The following TMEM132C variants were observed in gnomAD, a reference collection of about 807,000 sequenced individuals.
The protein encoded by TMEM132C is protein phosphatase 1, regulatory subunit 152.
Under a neutral mutation model 61.4 loss-of-function variants are expected in TMEM132C, and 29 were observed. That is an observed-to-expected ratio of 0.47 (90% CI 0.35 to 0.64). The LOEUF is 0.64. Among genes scored for constraint, TMEM132C ranks in the 30% least tolerant of loss-of-function variants. TMEM132C has a pLI of 0.00. For synonymous variants in TMEM132C, 656 were observed against 633.1 expected, an observed-to-expected ratio of 1.04 and a Z score of -0.54; for missense variants, 1,408 against 1,476.9, an observed-to-expected ratio of 0.95 and a Z score of 0.76.
rs904779851 is a variant in TMEM132C at position 128,326,617 on chromosome 12, C to A, written c.85+59130C>A. Among the ~76,000 whole-genome samples, 5 of 152,096 alleles carry A rather than the reference C, an allele frequency of 3.3e-5. No individual in the cohort carries two copies. The highest frequency in any genetic ancestry group is 1.2e-4 in the African/African-American group (5 of 41,410). ...GTGCTTGGAGACAGCTCCTGCAAAG[C>A]CCCAGGATTACAGCGTGGGTAATTA... On this transcript the variant is annotated intron_variant, in intron 1 of 8. Coordinates refer to ENST00000435159, the MANE Select transcript of TMEM132C (RefSeq NM_001136103.3). The surrounding 1 kb of genome is among the most constrained non-coding windows in gnomAD (Gnocchi z 5.6).
intron 1 of TMEM132C, among the ~76,000 whole-genome samples, chr12:128,383,345 G>A (rs558295916): frequency 5.9e-5 from 9 of 152,172 alleles, no homozygotes; most frequent in African/African-American, 1.2e-4. Context: ...CCAACCGCCC[G>A]TTGGCCAATT....
chr12:128,557,951 G>A (rs554472848), intron 3 of TMEM132C, among the ~76,000 whole-genome samples: 3 of 152,322 alleles, frequency 2.0e-5, no homozygotes, highest in Non-Finnish European at 4.4e-5. Context: ...GAGCCAGCCC[G>A]GCAACTTGGA....
At chr12:128,319,410 G>T (rs1303290898) in intron 1 of TMEM132C, among the ~76,000 whole-genome samples, 1 of 151,704 alleles carries the variant, frequency 6.6e-6, no homozygotes, top group Non-Finnish European at 1.5e-5. Flanking sequence ...TGTCTGTTGG[G>T]CCAAGTGCGG....
At chr12:128,571,072 T>C (rs149856218) in intron 3 of TMEM132C, among the ~76,000 whole-genome samples, 31 of 152,276 alleles carry the variant, frequency 2.0e-4, no homozygotes, top group Admixed American at 1.9e-3. Flanking sequence ...GATGTAGTCA[T>C]GTGGAGGTTT....
chr12:128,493,359 T>C (rs1167888148), intron 2 of TMEM132C, among the ~76,000 whole-genome samples: 1 of 152,252 alleles, frequency 6.6e-6, no homozygotes, highest in Admixed American at 6.5e-5. Context: ...ATATGAACTT[T>C]AAAGTACTTT....
Position 128,415,964 on chromosome 12 carries a change from T to C in TMEM132C, c.974+344T>C, listed in dbSNP as rs945942740. ...ATCCTTTGATGAGATACCATTTGAG[T>C]TGCTTGATTGAAAGTCTACGTTCAA... On this transcript the variant is annotated intron_variant, in intron 2 of 8. Transcript: ENST00000435159. This position sits in a 1 kb window ranked among gnomAD's most constrained non-coding sequence, Gnocchi z 5.8. Among the ~76,000 whole-genome samples the C allele has an allele frequency of 3.3e-5, 5 of 152,164 alleles. No homozygotes were observed. Among genetic ancestry groups the C allele is most frequent in the Non-Finnish European group, 7.3e-5 (5 of 68,036 alleles).
At chr12:128,504,334 C>T (rs1344041012) in intron 2 of TMEM132C, among the ~76,000 whole-genome samples, 1 of 152,190 alleles carries the variant, frequency 6.6e-6, no homozygotes, top group African/African-American at 2.4e-5. Context: ...AGGGATGGAA[C>T]ACACATTCCA....
At chr12:128,699,740 C>T (rs1188619598) in intron 8 of TMEM132C, among the ~76,000 whole-genome samples, 1 of 152,218 alleles carries the variant, frequency 6.6e-6, no homozygotes, top group African/African-American at 2.4e-5. Context: ...AGCAGTCACT[C>T]ATCCCATGCC....
intron 1 of TMEM132C, among the ~76,000 whole-genome samples, chr12:128,300,408 A>G (rs1871556841): frequency 6.6e-6 from 1 of 152,132 alleles, no homozygotes; most frequent in Non-Finnish European, 1.5e-5. Flanking sequence ...TGAAGGAGGC[A>G]TTATGATGGG....
intron 4 of TMEM132C, among the ~76,000 whole-genome samples, chr12:128,631,970 A>G (rs1954068114): frequency 6.6e-6 from 1 of 152,162 alleles, no homozygotes; most frequent in Non-Finnish European, 1.5e-5. Context: ...CAGATCCAAC[A>G]GGAGCCAAAA....
At chr12:128,638,977 ATGATGGTGGTGATGG>A (rs1954125580) in intron 4 of TMEM132C, among the ~76,000 whole-genome samples, 4 of 83,556 alleles carry the variant, frequency 4.8e-5, no homozygotes, top group African/African-American at 1.2e-4. Flanking sequence ...GGTGATGGTG[ATGATGGTGGTGATGG>A]TGATGGTGGT....
intron 2 of TMEM132C, among the ~76,000 whole-genome samples, chr12:128,510,100 T>C (rs935418511): frequency 6.6e-6 from 1 of 152,288 alleles, no homozygotes; most frequent in South Asian, 2.1e-4. Flanking sequence ...GTCAAGGACA[T>C]ACAAAGTCAA....
At chr12:128,357,278 C>T (rs1873538019) in intron 1 of TMEM132C, among the ~76,000 whole-genome samples, 1 of 152,148 alleles carries the variant, frequency 6.6e-6, no homozygotes, top group South Asian at 2.1e-4. Context: ...CCCTTCTGTC[C>T]TGCCACTTTC....
At chr12:128,600,613 A>C (rs1428489444) in intron 3 of TMEM132C, among the ~76,000 whole-genome samples, 7 of 152,184 alleles carry the variant, frequency 4.6e-5, no homozygotes, top group Non-Finnish European at 8.8e-5. Context: ...GAGGGACAAG[A>C]GCAGAGCAGC....
chr12:128,650,685 T>G (rs1371574678), intron 4 of TMEM132C, among the ~76,000 whole-genome samples: 1 of 151,906 alleles, frequency 6.6e-6, no homozygotes, highest in East Asian at 1.9e-4. Context: ...GCAGTGAACT[T>G]TTTTGCCACT....
At chr12:128,461,662 T>G (rs1870538018) in intron 2 of TMEM132C, among the ~76,000 whole-genome samples, 1 of 152,120 alleles carries the variant, frequency 6.6e-6, no homozygotes, top group Non-Finnish European at 1.5e-5. Context: ...CCCACCTCAT[T>G]GTTCACCAGG....
intron 4 of TMEM132C, among the ~76,000 whole-genome samples, chr12:128,663,001 C>T (rs1280744082): frequency 1.3e-5 from 2 of 152,190 alleles, no homozygotes; most frequent in Non-Finnish European, 2.9e-5. Context: ...TGAGGCCACG[C>T]GGGAGCCCAG....
chr12:128,627,504 C>T (rs1301825893), intron 4 of TMEM132C, among the ~76,000 whole-genome samples: 1 of 152,142 alleles, frequency 6.6e-6, no homozygotes, highest in Non-Finnish European at 1.5e-5. Context: ...CTCATTTTAC[C>T]CTTGAGTCTC....
At chr12:128,270,941 A>T (rs1242249964) in intron 1 of TMEM132C, among the ~76,000 whole-genome samples, 1 of 151,900 alleles carries the variant, frequency 6.6e-6, no homozygotes, top group Non-Finnish European at 1.5e-5. Flanking sequence ...TTTTTTTTCA[A>T]AGGCTCCCAA....
Sources: gnomAD v4.1 joint callset for allele counts (sites outside exome capture counted in the v4.1 genomes callset) on GRCh38, gnomAD v4.1.1 for gene constraint, Gnocchi (gnomAD v3.1) non-coding constraint, MANE v1.5 for transcripts, NCBI Gene and HGNC (gene_info 2026-07-23, HGNC 2026-07-21) for gene names.